FGF12: variants seen among roughly 807,000 people sequenced by gnomAD.
The protein encoded by FGF12 is fibroblast growth factor 12B.
Under a neutral mutation model 23.6 loss-of-function variants are expected in FGF12, and 14 were observed. The ratio of observed to expected loss-of-function variants is 0.59; its 90% CI spans 0.39 to 0.93. The LOEUF (loss-of-function observed/expected upper bound fraction) is 0.93, where lower values mean the gene tolerates loss of function less well. Ranked by LOEUF, FGF12 falls within the 40% of genes least tolerant of loss-of-function variation. FGF12 has a pLI of 0.00. For missense variants in FGF12, 175 were observed against 217.8 expected, an observed-to-expected ratio of 0.80 and a Z score of 1.24; for synonymous variants, 62 against 77.3, an observed-to-expected ratio of 0.80 and a Z score of 1.04.
chr3:192,597,691 G>T (rs867802723), intron 2 of FGF12, among the ~76,000 whole-genome samples: 1 of 152,238 alleles, frequency 6.6e-6, no homozygotes, highest in Non-Finnish European at 1.5e-5. Context: ...TGGCCACTCT[G>T]CATTCCAGAC....
At chr3:192,362,236 T>C (rs1718763873) in intron 2 of FGF12, among the ~76,000 whole-genome samples, 1 of 152,046 alleles carries the variant, frequency 6.6e-6, no homozygotes, top group African/African-American at 2.4e-5. Flanking sequence ...CAAACAACTC[T>C]CTCTTTTTTT....
intron 2 of FGF12, among the ~76,000 whole-genome samples, chr3:192,410,023 A>T (rs952127577): frequency 1.3e-5 from 2 of 151,568 alleles, no homozygotes; most frequent in African/African-American, 4.9e-5. Flanking sequence ...GCTCAGCTGG[A>T]GTGCTAGCTC....
intron 4 of FGF12, among the ~76,000 whole-genome samples, chr3:192,286,415 A>G (rs1213460622): frequency 1.3e-5 from 2 of 152,056 alleles, no homozygotes; most frequent in East Asian, 1.9e-4. Context: ...TTACTGAGTT[A>G]TGGAGAATTT....
At chr3:192,192,445 A>G (rs1716841087) in intron 4 of FGF12, among the ~76,000 whole-genome samples, 1 of 148,010 alleles carries the variant, frequency 6.8e-6, no homozygotes, top group Admixed American at 6.8e-5. Context: ...ATATATGATA[A>G]ATATATAATT....
At chr3:192,412,613 T>C (rs1187011357) in intron 2 of FGF12, among the ~76,000 whole-genome samples, 3 of 152,196 alleles carry the variant, frequency 2.0e-5, no homozygotes, top group Non-Finnish European at 4.4e-5. Context: ...TCAGCATAAT[T>C]TACTCCATTT....
chr3:192,711,940 C>CAAAA (rs60779864), intron 2 of FGF12, among the ~76,000 whole-genome samples: 16 of 50,728 alleles, frequency 3.2e-4, no homozygotes, highest in Non-Finnish European at 5.1e-4. Context: ...CAAGAACGAT[C>CAAAA]AAAAAAAAAA....
chr3:192,307,046 T>C (rs986803640), intron 4 of FGF12, among the ~76,000 whole-genome samples: 1 of 152,248 alleles, frequency 6.6e-6, no homozygotes, highest in Non-Finnish European at 1.5e-5. Flanking sequence ...TATTTAAATG[T>C]GATCAACAAA....
intron 2 of FGF12, among the ~76,000 whole-genome samples, chr3:192,562,309 G>A (rs959423284): frequency 5.3e-5 from 8 of 152,186 alleles, no homozygotes; most frequent in African/African-American, 1.7e-4. Context: ...CTTGATGAAT[G>A]TGTTGGTTAT....
chr3:192,506,992 C>G (rs571143297), intron 2 of FGF12, among the ~76,000 whole-genome samples: 1 of 150,652 alleles, frequency 6.6e-6, no homozygotes, highest in Non-Finnish European at 1.5e-5. Flanking sequence ...CCTGGGTTCA[C>G]GCCATTCTCC....
chr3:192,549,458 G>A (rs1300396353), intron 2 of FGF12, among the ~76,000 whole-genome samples: 1 of 152,080 alleles, frequency 6.6e-6, no homozygotes, highest in Non-Finnish European at 1.5e-5. Flanking sequence ...ATGGTAAAGT[G>A]TATAAAGTGT....
chr3:192,301,158 T>TG (rs1310703751), intron 4 of FGF12, among the ~76,000 whole-genome samples: 21 of 151,416 alleles, frequency 1.4e-4, no homozygotes, highest in African/African-American at 4.8e-4. Flanking sequence ...AATATTACTG[T>TG]GAAAAAAAAA....
intron 4 of FGF12, among the ~76,000 whole-genome samples, chr3:192,175,175 T>G (rs1715786356): frequency 6.6e-6 from 1 of 152,230 alleles, no homozygotes; most frequent in Non-Finnish European, 1.5e-5. Flanking sequence ...AAAAATCTAA[T>G]GTATAACGGA....
chr3:192,251,089 C>T (rs572878106), intron 4 of FGF12, among the ~76,000 whole-genome samples: 11 of 152,194 alleles, frequency 7.2e-5, no homozygotes, highest in South Asian at 4.1e-4. Flanking sequence ...AATAATGGAG[C>T]TACTGGGACA....
chr3:192,280,907 C>T (rs760668277), intron 4 of FGF12, among the ~76,000 whole-genome samples: 24 of 152,064 alleles, frequency 1.6e-4, no homozygotes, highest in South Asian at 8.3e-4. Context: ...AAATTTAGGC[C>T]TTTTTTGAAG....
intron 2 of FGF12, among the ~76,000 whole-genome samples, chr3:192,616,659 T>C (rs560904800): frequency 3.3e-5 from 5 of 152,088 alleles, no homozygotes; most frequent in African/African-American, 1.2e-4. Context: ...GCTCATCTGT[T>C]TGATGCATGA....
intron 4 of FGF12, among the ~76,000 whole-genome samples, chr3:192,231,395 A>T (rs533628645): frequency 6.6e-6 from 1 of 152,282 alleles, no homozygotes; most frequent in East Asian, 1.9e-4. Flanking sequence ...AACACTTTAC[A>T]TTTGTATTTT....
At chr3:192,505,032 T>C (rs1377202925) in intron 2 of FGF12, among the ~76,000 whole-genome samples, 1 of 152,082 alleles carries the variant, frequency 6.6e-6, no homozygotes, top group African/African-American at 2.4e-5. Context: ...CACACAAAAA[T>C]CTAAATATCA....
chr3:192,270,690 A>G (rs1183615212), intron 4 of FGF12, among the ~76,000 whole-genome samples: 1 of 152,112 alleles, frequency 6.6e-6, no homozygotes, highest in African/African-American at 2.4e-5. Flanking sequence ...CATAACCCAT[A>G]TATTCCTCCA....
At chr3:192,213,195 C>T (rs1718023252) in intron 4 of FGF12, among the ~76,000 whole-genome samples, 1 of 152,202 alleles carries the variant, frequency 6.6e-6, no homozygotes, top group South Asian at 2.1e-4. Flanking sequence ...AGCAAGCGAG[C>T]GCCAGAGCAG....
Sources: allele counts gnomAD v4.1 joint callset (sites outside exome capture counted in the v4.1 genomes callset), GRCh38; gene constraint gnomAD v4.1.1; transcripts MANE v1.5; gene names NCBI Gene and HGNC (gene_info 2026-07-23, HGNC 2026-07-21).